The following FAM153A variants were observed in gnomAD, a reference collection of about 807,000 sequenced individuals.
FAM153A encodes protein FAM153A.
Under a neutral mutation model 48.1 loss-of-function variants are expected in FAM153A, and 12 were observed. That is an observed-to-expected ratio of 0.25 (90% CI 0.16 to 0.40). The LOEUF is 0.40. FAM153A is among the 10% of genes least tolerant of loss of function. The pLI, the probability that FAM153A is intolerant of heterozygous loss-of-function variation, is 1.00. For missense variants in FAM153A, 111 were observed against 345.8 expected (o/e 0.32, Z 5.38); for synonymous variants, 36 against 118.2 (o/e 0.30, Z 4.51).
At chr5:177,695,664 C>T in the FAM153A span, among the ~76,000 whole-genome samples, 1 of 151,890 alleles carries the variant, frequency 6.6e-6, no homozygotes, top group African/African-American at 2.4e-5. Context: ...CTTCTTTCTA[C>T]ACAGACACAG....
the FAM153A span, among the ~76,000 whole-genome samples, chr5:177,700,257 AG>A: frequency 5.3e-5 from 8 of 152,004 alleles, no homozygotes; most frequent in African/African-American, 1.9e-4. Context: ...TAAAAGATTG[AG>A]AGCTTTCTCC....
intron 1 of FAM153A, chr5:177,753,073 TAGG>T (rs1461826278): frequency 1.3e-6 from 1 of 777,894 alleles, no homozygotes; most frequent in Non-Finnish European, 2.1e-6. Context: ...TGTAGACAAA[TAGG>T]AGCTGGGGAA....
chr5:177,702,056 C>T, the FAM153A span, among the ~76,000 whole-genome samples: 2,163 of 151,710 alleles, frequency 0.014, 101 homozygotes, highest in African/African-American at 0.05. Flanking sequence ...TACAGGCGCC[C>T]GCCATCACGC....
rs1426957181 is a variant in FAM153A, at chr5:177,778,282, A to G, written c.-57+2167T>C. Among the ~76,000 whole-genome samples, 13 of 86,324 alleles carry G rather than the reference A, an allele frequency of 1.5e-4. 4 individuals are homozygous for G. In the East Asian group the frequency reaches 3.0e-3, roughly 20 times the overall value. The allele number at this position is 86,324 out of a possible 152,430, so 56.6% of individuals were successfully genotyped here. A position where few individuals can be genotyped will look rare whatever the true frequency, so the allele number is the denominator to read the frequency against. ...ATAATAAAAAAAAAAAAAAAAAAAA[A>G]AAAGAAATAAGTGAAGCAATTGTTA... On this transcript the variant is annotated intron_variant, in intron 1 of 8. Coordinates refer to the FAM153A transcript ENST00000393518.
At chr5:177,747,587 CAG>C in intron 4 of FAM153A, 180 bp downstream of exon 6, 1 of 708,210 alleles carries the variant, frequency 1.4e-6, no homozygotes, top group Non-Finnish European at 2.5e-6. Flanking sequence ...TTCCAAGCAC[CAG>C]AGTCAACAGT....
At chr5:177,709,004 A>G (rs1442509072), downstream of FAM153A, among the ~76,000 whole-genome samples, 2 of 141,732 alleles carry the variant, frequency 1.4e-5, no homozygotes, top group Non-Finnish European at 3.0e-5. Flanking sequence ...CTGGGGCAGG[A>G]GAATCACTTG....
At chr5:177,724,481 G>A (rs1242043442) in intron 19 of FAM153A, 119 bp from the exon 22 acceptor site, 8 of 1,103,898 alleles carry the variant, frequency 7.2e-6, no homozygotes, top group Non-Finnish European at 1.1e-5. Context: ...CAGCAGGGTG[G>A]GGTCCAGCTC....
chr5:177,705,848 C>T (rs1430820898), downstream of FAM153A, among the ~76,000 whole-genome samples: 9 of 150,928 alleles, frequency 6.0e-5, no homozygotes, highest in South Asian at 2.1e-4. Context: ...TTAGTGGAGA[C>T]GGGGTTTCAC....
At chr5:177,712,521 A>AG (rs1454599328) in exon 27 of FAM153A, 2 of 149,894 alleles carry the variant, frequency 1.3e-5, no homozygotes, top group African/African-American at 5.1e-5. Context: ...CTCATTTCTG[A>AG]GGGGCCCCCC....
intron 1 of FAM153A, among the ~76,000 whole-genome samples, chr5:177,771,863 A>T (rs1469905077): frequency 3.2e-5 from 3 of 94,936 alleles, no homozygotes; most frequent in African/African-American, 1.3e-4. Context: ...AGGCTGGGGG[A>T]ATTAAGCAGA....
At chr5:177,708,693 T>C (rs573292554), downstream of FAM153A, among the ~76,000 whole-genome samples, 1 of 152,152 alleles carries the variant, frequency 6.6e-6, no homozygotes, top group Non-Finnish European at 1.5e-5. Context: ...AGTCTGATCT[T>C]TTTTTAGTGT....
At chr5:177,738,016 A>AGT (rs963251157) in intron 10 of FAM153A, among the ~76,000 whole-genome samples, 1 of 151,500 alleles carries the variant, frequency 6.6e-6, no homozygotes, top group Non-Finnish European at 1.5e-5. Context: ...CTTTTAACAC[A>AGT]GTGTGTGTGT....
chr5:177,729,528 A>C lies in FAM153A; in HGVS notation c.890T>G (p.Val297Gly), dbSNP rs185038400. ...TTCCTCAGAGACTGTCTGCTCTGGC[A>C]CATGCTCCTCCAGGTCTTCCAGGTC... Residue 297 changes from valine (V) to glycine (G), a missense_variant, in exon 17 of 21, where the codon GTG becomes GGG. By Grantham distance (109) the Val-to-Gly change is moderately radical. This residue lies in a region of FAM153A where 35 missense variants were observed against 136.8 expected (regional missense o/e 0.26). Transcript: ENST00000614127. 45 of 1,608,892 alleles carry C rather than the reference A, an allele frequency of 2.8e-5. No homozygotes were observed. Among genetic ancestry groups the C allele is most frequent in the Admixed American group, 1.5e-4 (9 of 59,746 alleles).
downstream of FAM153A, chr5:177,721,969 A>T (rs186459474): frequency 6.6e-6 from 1 of 151,448 alleles, no homozygotes; most frequent in East Asian, 1.9e-4. Flanking sequence ...GCACAAAAGA[A>T]GTCTATCAAA....
upstream of FAM153A, among the ~76,000 whole-genome samples, chr5:177,757,297 GAACAGACC>G (rs1383729207): frequency 9.3e-6 from 1 of 107,940 alleles, no homozygotes. Context: ...TTGAATATCT[GAACAGACC>G]AACAGGCTCT....
Position 177,766,030 on chromosome 5 carries a change from T to C in FAM153A, c.-57+14419A>G, listed in dbSNP as rs1768725213. 1.8e-5 allele frequency among the ~76,000 whole-genome samples: 2 copies of C among 108,132 alleles called. 1 individual carries two copies. The highest frequency in any genetic ancestry group is 4.1e-5 in the Non-Finnish European group (2 of 48,246). The allele number at this position is 108,132 out of a possible 152,430, so 70.9% of individuals were successfully genotyped here. A position where few individuals can be genotyped will look rare whatever the true frequency, so the allele number is the denominator to read the frequency against. On this transcript the variant is annotated intron_variant, in intron 1 of 8. Transcript: ENST00000393518. ...TACTCAGGAGGCTGAGGCAGGAGAA[T>C]CGCTTGAACTCGGGCGGCAGAGGTT...
chr5:177,739,194 A>G, intron 9 of FAM153A, 57 bp from the exon 12 acceptor site: 5 of 1,571,188 alleles, frequency 3.2e-6, no homozygotes, highest in Non-Finnish European at 4.3e-6. Flanking sequence ...CTCTGTGCAC[A>G]GGTCTTTTCT....
At chr5:177,701,364 G>A in the FAM153A span, among the ~76,000 whole-genome samples, 2 of 151,762 alleles carry the variant, frequency 1.3e-5, no homozygotes, top group South Asian at 4.1e-4. Context: ...ATGAGTAAAT[G>A]ACCAGCCTGG....
chr5:177,739,365 T>C (rs1765201429), intron 9 of FAM153A, among the ~76,000 whole-genome samples: 1 of 121,878 alleles, frequency 8.2e-6, no homozygotes, highest in Admixed American at 8.7e-5. Flanking sequence ...AAGGTTTTTC[T>C]CCTGAGGACA....
Sources: gnomAD v4.1 joint callset for allele counts (sites outside exome capture counted in the v4.1 genomes callset) on GRCh38, gnomAD v4.1.1 for gene constraint, gnomAD v4.1.1 regional missense constraint, MANE v1.5 for transcripts, NCBI Gene and HGNC (gene_info 2026-07-23, HGNC 2026-07-21) for gene names.